Variants in SORCS3 observed in about 807,000 individuals in gnomAD.
SORCS3 encodes the protein VPS10 domain-containing receptor SorCS3.
SORCS3 carries 57 observed loss-of-function variants against 146.3 expected under a neutral mutation model. The ratio of observed to expected loss-of-function variants is 0.39; its 90% CI spans 0.31 to 0.49. The LOEUF (loss-of-function observed/expected upper bound fraction) is 0.49. SORCS3 is among the 20% of genes least tolerant of loss of function. SORCS3 has a pLI of 0.92. For missense variants in SORCS3, 1,341 were observed against 1,575.5 expected, an observed-to-expected ratio of 0.85 and a Z score of 2.52; for synonymous variants, 653 against 618.5, an observed-to-expected ratio of 1.06 and a Z score of -0.83.
chr10:104,777,404 C>T (rs974486395), intron 1 of SORCS3, among the ~76,000 whole-genome samples: 4 of 152,170 alleles, frequency 2.6e-5, no homozygotes, highest in Admixed American at 2.6e-4. Flanking sequence ...TGTGCACTTC[C>T]CACTGCCCCA....
rs187131739 is a variant in SORCS3, at chr10:105,112,897, A to C, written c.1212+7382A>C. Among the ~76,000 whole-genome samples the C allele has an allele frequency of 2.2e-3, 334 of 152,322 alleles. 3 individuals are homozygous for C. The highest frequency in any genetic ancestry group is 5.5e-3 in the Admixed American group (84 of 15,294). ...TCTACTTAAATTTCGAACTTTTAAA[A>C]GTATTGATGTCTTATATTTGGTTTT... is the stretch of plus-strand genomic sequence containing the variant. On this transcript the variant is annotated intron_variant, in intron 7 of 26. Coordinates refer to ENST00000369701, the MANE Select transcript of SORCS3 (RefSeq NM_014978.3).
intron 19 of SORCS3, among the ~76,000 whole-genome samples, chr10:105,220,538 G>T (rs1434910596): frequency 1.3e-5 from 2 of 152,190 alleles, no homozygotes; most frequent in African/African-American, 4.8e-5. Context: ...TTCCCATGAG[G>T]TGTGTTGGGG....
intron 5 of SORCS3, among the ~76,000 whole-genome samples, chr10:105,079,119 C>T (rs755845571): frequency 1.3e-5 from 2 of 152,134 alleles, no homozygotes; most frequent in East Asian, 1.9e-4. Context: ...AATTCTTGGG[C>T]CCCACCCAGA....
chr10:104,662,421 G>A (rs1469830100), intron 1 of SORCS3, among the ~76,000 whole-genome samples: 18 of 152,196 alleles, frequency 1.2e-4, no homozygotes, highest in Admixed American at 1.2e-3. Flanking sequence ...GTAAAGATGA[G>A]TAAATAAAAG....
At chr10:104,677,443 T>G (rs909969486) in intron 1 of SORCS3, among the ~76,000 whole-genome samples, 1 of 152,254 alleles carries the variant, frequency 6.6e-6, no homozygotes, top group African/African-American at 2.4e-5. Flanking sequence ...AGAGGTTGAA[T>G]GCAAATGTGT....
chr10:105,250,796 G>A (rs2119749656), intron 22 of SORCS3, among the ~76,000 whole-genome samples: 1 of 152,286 alleles, frequency 6.6e-6, no homozygotes, highest in East Asian at 1.9e-4. Context: ...AGGCCGTTAA[G>A]AGGATGCCTC....
chr10:104,770,352 A>G (rs752675290), intron 1 of SORCS3, among the ~76,000 whole-genome samples: 1 of 152,194 alleles, frequency 6.6e-6, no homozygotes, highest in Non-Finnish European at 1.5e-5. Flanking sequence ...ACTTTTGTGT[A>G]TAAGTGGAAA....
intron 1 of SORCS3, among the ~76,000 whole-genome samples, chr10:104,716,210 A>G (rs1198835480): frequency 2.0e-5 from 3 of 151,994 alleles, no homozygotes; most frequent in Non-Finnish European, 2.9e-5. Context: ...TATTTTATGT[A>G]TTGATTATCT....
intron 4 of SORCS3, among the ~76,000 whole-genome samples, chr10:105,020,054 A>G (rs926019996): frequency 3.3e-5 from 5 of 152,186 alleles, no homozygotes; most frequent in African/African-American, 4.8e-5. Context: ...TAGAGCTCCA[A>G]TGCTTTATGG....
At chr10:104,941,864 T>G (rs1221729640) in intron 3 of SORCS3, among the ~76,000 whole-genome samples, 2 of 152,062 alleles carry the variant, frequency 1.3e-5, no homozygotes, top group African/African-American at 4.8e-5. Context: ...GTCCAGGCCT[T>G]GGAAACAAAG....
intron 3 of SORCS3, among the ~76,000 whole-genome samples, chr10:104,934,815 T>G (rs1021212651): frequency 6.6e-6 from 1 of 152,180 alleles, no homozygotes; most frequent in African/African-American, 2.4e-5. Flanking sequence ...GTGGACGAAG[T>G]CAAAATTGAC....
chr10:104,987,415 G>C (rs2054968703), intron 4 of SORCS3, among the ~76,000 whole-genome samples: 1 of 152,062 alleles, frequency 6.6e-6, no homozygotes, highest in African/African-American at 2.4e-5. Context: ...ACCATGACTA[G>C]TTTATGTTTA....
chr10:105,139,326 A>G, intron 7 of SORCS3, 71 bp from the exon 8 acceptor site: 1 of 1,119,388 alleles, frequency 8.9e-7, no homozygotes, highest in Admixed American at 1.7e-5. Context: ...TTGATAGAAG[A>G]GCTAATACTT....
chr10:104,732,681 G>A (rs754473256), intron 1 of SORCS3, among the ~76,000 whole-genome samples: 9 of 152,164 alleles, frequency 5.9e-5, no homozygotes, highest in Non-Finnish European at 1.0e-4. Context: ...GGGCTAAAAT[G>A]TGCATATTGT....
chr10:104,790,195 A>C (rs1218709181), intron 1 of SORCS3, among the ~76,000 whole-genome samples: 1 of 152,254 alleles, frequency 6.6e-6, no homozygotes, highest in African/African-American at 2.4e-5. Flanking sequence ...ACAGTGCTGA[A>C]AAGATAATGT....
chr10:104,837,920 G>A (rs1475475133), intron 1 of SORCS3, among the ~76,000 whole-genome samples: 1 of 152,212 alleles, frequency 6.6e-6, no homozygotes, highest in Non-Finnish European at 1.5e-5. Flanking sequence ...GGTTGAGTCA[G>A]ACAGGCATGA....
At chr10:104,663,765 A>G (rs1211774898) in intron 1 of SORCS3, among the ~76,000 whole-genome samples, 4 of 152,244 alleles carry the variant, frequency 2.6e-5, no homozygotes, top group Admixed American at 1.3e-4. Context: ...CTTTGAACAC[A>G]TGCATGCTGC....
chr10:105,090,519 A>C (rs2055694439), intron 6 of SORCS3, among the ~76,000 whole-genome samples: 1 of 152,228 alleles, frequency 6.6e-6, no homozygotes, highest in Admixed American at 6.5e-5. Flanking sequence ...TTTATACTTA[A>C]AGGGCTCTTC....
chr10:105,206,408 T>G (rs1465104899), intron 16 of SORCS3, among the ~76,000 whole-genome samples: 6 of 152,180 alleles, frequency 3.9e-5, no homozygotes, highest in African/African-American at 1.4e-4. Flanking sequence ...CATAGAAAGT[T>G]CTATTGAACA....
Sources: allele counts gnomAD v4.1 joint callset (sites outside exome capture counted in the v4.1 genomes callset), GRCh38; gene constraint gnomAD v4.1.1; transcripts MANE v1.5; gene names NCBI Gene and HGNC (gene_info 2026-07-23, HGNC 2026-07-21).